Variants in EXT1 observed in about 807,000 individuals in gnomAD.
The protein encoded by EXT1 is exostosin glycosyltransferase 1.
In EXT1, 20 loss-of-function variants were observed where a neutral mutation model predicts 82.5. The ratio of observed to expected loss-of-function variants is 0.24; its 90% CI spans 0.17 to 0.35. The LOEUF (loss-of-function observed/expected upper bound fraction) is 0.35. EXT1 is among the 10% of genes least tolerant of loss of function. The pLI is 1.00. For synonymous variants in EXT1, 348 were observed against 350.8 expected (o/e 0.99, Z 0.09); for missense variants, 757 against 936.5 (o/e 0.81, Z 2.50).
intron 1 of EXT1, among the ~76,000 whole-genome samples, chr8:118,095,401 AT>A (rs1817592380): frequency 1.3e-5 from 2 of 152,204 alleles, no homozygotes; most frequent in Non-Finnish European, 2.9e-5. Flanking sequence ...TACAAAAAAT[AT>A]TATACATTTC....
chr8:118,080,220 A>C (rs1817287851), intron 1 of EXT1, among the ~76,000 whole-genome samples: 1 of 152,230 alleles, frequency 6.6e-6, no homozygotes, highest in African/African-American at 2.4e-5. Context: ...TGAGTTGTTC[A>C]GCTGATAAAT....
At chr8:118,093,879 C>T (rs563229453) in intron 1 of EXT1, among the ~76,000 whole-genome samples, 3 of 152,292 alleles carry the variant, frequency 2.0e-5, no homozygotes, top group Admixed American at 6.5e-5. Context: ...GGTCTGGGTC[C>T]TGCTGCTACT....
intron 1 of EXT1, among the ~76,000 whole-genome samples, chr8:117,840,365 C>G (rs1425953295): frequency 6.6e-6 from 1 of 152,144 alleles, no homozygotes; most frequent in Non-Finnish European, 1.5e-5. Context: ...GTAATCCCAG[C>G]ACTTTGGGAG....
At chr8:118,013,461 G>A (rs753571103) in intron 1 of EXT1, among the ~76,000 whole-genome samples, 11 of 152,036 alleles carry the variant, frequency 7.2e-5, no homozygotes, top group Non-Finnish European at 1.5e-4. Flanking sequence ...CACCCGCCTC[G>A]GCCTCCCAAA....
chr8:117,951,061 C>T (rs1814481988), intron 1 of EXT1, among the ~76,000 whole-genome samples: 2 of 152,124 alleles, frequency 1.3e-5, no homozygotes, highest in South Asian at 4.1e-4. Context: ...AGTTAAAAAA[C>T]CTAATTGTAT....
chr8:117,920,835 G>A (rs1056934119), intron 1 of EXT1, among the ~76,000 whole-genome samples: 30 of 152,116 alleles, frequency 2.0e-4, no homozygotes, highest in African/African-American at 6.8e-4. Context: ...AGCCACAATC[G>A]TGCTGGGATA....
At chr8:117,902,901 T>G (rs1422453808) in intron 1 of EXT1, among the ~76,000 whole-genome samples, 2 of 152,228 alleles carry the variant, frequency 1.3e-5, no homozygotes, top group South Asian at 2.1e-4. Flanking sequence ...AGGAATTTCT[T>G]TCTTTAGCTC....
At chr8:117,820,821 A>C (rs1342218598) in intron 5 of EXT1, among the ~76,000 whole-genome samples, 1 of 152,250 alleles carries the variant, frequency 6.6e-6, no homozygotes, top group Non-Finnish European at 1.5e-5. Context: ...ATTTTGGAGA[A>C]GAAGCCTCCA....
chr8:118,073,625 GAAGAGAAAGA>G lies in EXT1; in HGVS notation c.962+36450_962+36459del, dbSNP rs1318194988. Among the ~76,000 whole-genome samples, 10 of 139,120 alleles carry G rather than the reference GAAGAGAAAGA, an allele frequency of 7.2e-5. 1 individual carries two copies. In the South Asian group the frequency reaches 2.3e-3, roughly 32 times the overall value. 91.3% of individuals were successfully genotyped at this position (139,120 alleles called of 152,430 possible). A position where few individuals can be genotyped will look rare whatever the true frequency, so the allele number is the denominator to read the frequency against. On this transcript the variant is annotated intron_variant, in intron 1 of 10. Transcript: ENST00000378204. ...ACAGAGAGAGGAAAGGAAGAGAAGA[GAAGAGAAAGA>G]AGAGAAGAGAAGAGAAGAGAAGAGA... is the stretch of plus-strand genomic sequence containing the variant.
chr8:117,809,716 A>T (rs1043084183), intron 8 of EXT1, among the ~76,000 whole-genome samples: 1 of 151,970 alleles, frequency 6.6e-6, no homozygotes, highest in African/African-American at 2.4e-5. Flanking sequence ...GGAGCACGTT[A>T]TCTCAAAGTT....
intron 1 of EXT1, among the ~76,000 whole-genome samples, chr8:117,970,017 A>T (rs866091441): frequency 7.9e-5 from 12 of 152,290 alleles, no homozygotes; most frequent in South Asian, 2.1e-4. Context: ...AAGCCATGAG[A>T]ATTTTAACAT....
chr8:117,803,519 T>C (rs1300811002), intron 10 of EXT1, among the ~76,000 whole-genome samples: 2 of 152,030 alleles, frequency 1.3e-5, no homozygotes, highest in Non-Finnish European at 2.9e-5. Flanking sequence ...TTCTTACATA[T>C]AGTAGGGGCT....
chr8:117,960,864 A>C (rs374353662), intron 1 of EXT1, among the ~76,000 whole-genome samples: 3 of 152,260 alleles, frequency 2.0e-5, no homozygotes, highest in African/African-American at 7.2e-5. Flanking sequence ...GCTACAAGAA[A>C]TCCTTTGTTT....
chr8:118,074,456 G>A (rs1026751872), intron 1 of EXT1, among the ~76,000 whole-genome samples: 1 of 152,226 alleles, frequency 6.6e-6, no homozygotes, highest in Non-Finnish European at 1.5e-5. Flanking sequence ...GCTGAGCTGT[G>A]GTGCAGGCAG....
chr8:118,059,150 A>G (rs1378160301), intron 1 of EXT1, among the ~76,000 whole-genome samples: 4 of 152,232 alleles, frequency 2.6e-5, no homozygotes, highest in African/African-American at 4.8e-5. Context: ...TGATATTTCA[A>G]TACTGTGTTT....
chr8:117,804,633 G>A, intron 10 of EXT1, 89 bp downstream of exon 10: 1 of 1,434,206 alleles, frequency 7.0e-7, no homozygotes, highest in Non-Finnish European at 9.8e-7. Context: ...ATGCTCCTGG[G>A]TGGAACAGCT....
intron 1 of EXT1, among the ~76,000 whole-genome samples, chr8:117,940,324 G>A (rs1171560779): frequency 1.3e-5 from 2 of 152,212 alleles, no homozygotes; most frequent in Non-Finnish European, 2.9e-5. Flanking sequence ...TGCTGGCACA[G>A]GGAACCTGTG....
At chr8:118,040,099 C>T (rs951147360) in intron 1 of EXT1, among the ~76,000 whole-genome samples, 1 of 152,052 alleles carries the variant, frequency 6.6e-6, no homozygotes, top group Non-Finnish European at 1.5e-5. Flanking sequence ...TGGAACTTTC[C>T]TTCTCATTAT....
chr8:117,946,649 C>G (rs1173720967), intron 1 of EXT1, among the ~76,000 whole-genome samples: 22 of 152,150 alleles, frequency 1.4e-4, no homozygotes, highest in Admixed American at 1.4e-3. Flanking sequence ...TACACGAGGA[C>G]CAGTCGTGGG....
Sources: gnomAD v4.1 joint callset for allele counts (sites outside exome capture counted in the v4.1 genomes callset) on GRCh38, gnomAD v4.1.1 for gene constraint, MANE v1.5 for transcripts, NCBI Gene and HGNC (gene_info 2026-07-23, HGNC 2026-07-21) for gene names.